Variants in GRID1 observed in about 807,000 individuals in gnomAD.
GRID1 encodes the protein glutamate ionotropic receptor delta type subunit 1.
In GRID1, 28 loss-of-function variants were observed where a neutral mutation model predicts 98.0. The observed-to-expected ratio is 0.29, with a 90% CI of 0.21 to 0.39. The LOEUF is 0.39. GRID1 is among the 10% of genes least tolerant of loss of function. The pLI, the probability that GRID1 is intolerant of heterozygous loss-of-function variation, is 1.00. For missense variants in GRID1, 1,111 were observed against 1,340.5 expected (o/e 0.83, Z 2.67); for synonymous variants, 553 against 538.5 (o/e 1.03, Z -0.37).
chr10:85,706,219 T>C (rs1841516488), intron 12 of GRID1, among the ~76,000 whole-genome samples: 1 of 152,230 alleles, frequency 6.6e-6, no homozygotes, highest in South Asian at 2.1e-4. Flanking sequence ...AACCGCATCG[T>C]CTCAGCCCAA....
chr10:85,742,844 G>A (rs1179289324), intron 8 of GRID1, among the ~76,000 whole-genome samples: 1 of 152,190 alleles, frequency 6.6e-6, no homozygotes, highest in Non-Finnish European at 1.5e-5. Context: ...GGGCCATACA[G>A]TGTCTGCTTA....
In GRID1 at chr10:85,856,184, T is replaced by C; in HGVS notation, c.958A>G (p.Asn320Asp). Residue 320 changes from asparagine (N) to aspartate (D), a missense_variant, in exon 7 of 16, where the codon AAC (asparagine) becomes GAC (aspartate). Asn to Asp is a conservative substitution (Grantham distance 23). Around this residue, in one of 3 missense-constraint regions of GRID1, gnomAD observed 346 missense variants for 452.3 expected, o/e 0.76. Coordinates refer to ENST00000327946, the MANE Select transcript of GRID1 (RefSeq NM_017551.3). ...AGAACACTGTCATACAGATAGAGGT[T>C]GGAGATCTGCAAAGACAGAGGCAGT... Reference protein sequence around the residue: ...EGYLQMLQISNLYLYDSVLML... With the variant: ...EGYLQMLQISDLYLYDSVLML... 2 of 1,614,080 alleles carry C rather than the reference T, an allele frequency of 1.2e-6. No homozygotes were observed. The highest frequency in any genetic ancestry group is 1.7e-6 in the Non-Finnish European group (2 of 1,179,944).
intron 12 of GRID1, among the ~76,000 whole-genome samples, chr10:85,659,056 T>G (rs947535612): frequency 1.3e-5 from 2 of 152,160 alleles, no homozygotes; most frequent in Admixed American, 1.3e-4. Context: ...GGAGAATGTG[T>G]GAGCTGAGTG....
intron 2 of GRID1, among the ~76,000 whole-genome samples, chr10:86,212,154 G>C (rs532048984): frequency 1.1e-4 from 16 of 152,336 alleles, no homozygotes; most frequent in Admixed American, 6.5e-4. Flanking sequence ...CAATACCCCA[G>C]AAGGCATGTG....
intron 12 of GRID1, among the ~76,000 whole-genome samples, chr10:85,702,305 T>C (rs1336230795): frequency 6.6e-6 from 1 of 151,996 alleles, no homozygotes; most frequent in Non-Finnish European, 1.5e-5. Context: ...TCATTAATAT[T>C]GCTAAAAGGC....
intron 5 of GRID1, among the ~76,000 whole-genome samples, chr10:85,893,428 G>T (rs1841234273): frequency 6.6e-6 from 1 of 152,106 alleles, no homozygotes; most frequent in African/African-American, 2.4e-5. Context: ...GATTGGAAAG[G>T]AATAAGAATA....
chr10:85,676,215 G>C (rs912734959), intron 12 of GRID1, among the ~76,000 whole-genome samples: 2 of 152,150 alleles, frequency 1.3e-5, no homozygotes, highest in African/African-American at 4.8e-5. Context: ...AGTGCCAGCA[G>C]CTAATGGGGC....
intron 13 of GRID1, among the ~76,000 whole-genome samples, chr10:85,638,032 T>C (rs1843071065): frequency 6.6e-6 from 1 of 152,176 alleles, no homozygotes; most frequent in Admixed American, 6.5e-5. Context: ...CTAATACTTA[T>C]ATTAGGAAAG....
rs538465812 is a variant in GRID1, at chr10:85,601,481, T to C, written c.*792A>G. The C allele has an allele frequency of 6.6e-6, 1 of 152,274 alleles. No homozygotes were observed. Among genetic ancestry groups the C allele is most frequent in the East Asian group, 1.9e-4 (1 of 5,170 alleles). 9.4% of individuals were successfully genotyped at this position (152,274 alleles called of 1,614,324 possible). A position where few individuals can be genotyped will look rare whatever the true frequency, so the allele number is the denominator to read the frequency against. The stretch of plus-strand genomic sequence containing the variant: ...CTGCCCTCCTTCCCCCAATATTCTA[T>C]CACTTTTTGATTCTTCTAATTTTGA... On this transcript the variant is annotated 3_prime_UTR_variant, in exon 16 of 16. Transcript: ENST00000327946.
intron 4 of GRID1, chr10:86,052,311 T>C (rs552831375): frequency 1.3e-5 from 2 of 152,328 alleles, no homozygotes; most frequent in East Asian, 1.9e-4. Context: ...AATATATTTA[T>C]CTGAGGGAGT....
At chr10:86,032,203 G>A (rs1278383578) in intron 4 of GRID1, among the ~76,000 whole-genome samples, 1 of 152,242 alleles carries the variant, frequency 6.6e-6, no homozygotes, top group Non-Finnish European at 1.5e-5. Context: ...GAGGGAGGGA[G>A]GTGGGGGGGC....
intron 13 of GRID1, among the ~76,000 whole-genome samples, chr10:85,638,736 T>C (rs1157818782): frequency 1.3e-5 from 2 of 152,128 alleles, no homozygotes; most frequent in Non-Finnish European, 2.9e-5. Context: ...AAATCAGCAA[T>C]GAGAAGATGG....
chr10:86,116,251 A>G (rs1457890473), intron 4 of GRID1, among the ~76,000 whole-genome samples: 1 of 152,248 alleles, frequency 6.6e-6, no homozygotes, highest in African/African-American at 2.4e-5. Context: ...GTAAGTGCTT[A>G]CAAAATTTTA....
chr10:86,077,723 C>A (rs1176002741), intron 4 of GRID1, among the ~76,000 whole-genome samples: 2 of 152,150 alleles, frequency 1.3e-5, no homozygotes, highest in East Asian at 3.8e-4. Context: ...TCTTTGCAGC[C>A]CTCTGAGAAC....
chr10:86,336,236 C>T (rs1848219424), intron 2 of GRID1, among the ~76,000 whole-genome samples: 1 of 152,208 alleles, frequency 6.6e-6, no homozygotes, highest in East Asian at 1.9e-4. Context: ...AAAATGTACA[C>T]AATAACACAT....
chr10:85,919,211 G>T (rs1442681257), intron 4 of GRID1, among the ~76,000 whole-genome samples: 1 of 152,236 alleles, frequency 6.6e-6, no homozygotes, highest in Non-Finnish European at 1.5e-5. Flanking sequence ...CCAGGGAGCA[G>T]GTGGGAGCCT....
chr10:86,151,557 C>T (rs1178221924), intron 3 of GRID1, among the ~76,000 whole-genome samples: 2 of 152,116 alleles, frequency 1.3e-5, no homozygotes, highest in Admixed American at 6.5e-5. Context: ...TGATGCATGC[C>T]ATTACCAGCT....
chr10:85,742,109 T>C (rs1472607588), intron 8 of GRID1, among the ~76,000 whole-genome samples: 4 of 152,206 alleles, frequency 2.6e-5, no homozygotes, highest in African/African-American at 7.2e-5. Flanking sequence ...CCTTCCACGA[T>C]AGGGAGGATG....
chr10:86,309,271 C>G (rs998721342), intron 2 of GRID1, among the ~76,000 whole-genome samples: 1 of 152,164 alleles, frequency 6.6e-6, no homozygotes, highest in African/African-American at 2.4e-5. Flanking sequence ...CAAGAGCCTA[C>G]AGACAGCATC....
Sources: gnomAD v4.1 joint callset for allele counts (sites outside exome capture counted in the v4.1 genomes callset) on GRCh38, gnomAD v4.1.1 for gene constraint, gnomAD v4.1.1 regional missense constraint, MANE v1.5 for transcripts, NCBI Gene and HGNC (gene_info 2026-07-23, HGNC 2026-07-21) for gene names.